SHC3: variants seen among roughly 807,000 people sequenced by gnomAD.
The protein encoded by SHC3 is SHC adaptor protein 3, also known as SHC-transforming protein 3.
A neutral mutation model predicts 60.4 loss-of-function variants in SHC3; 15 were observed. The ratio of observed to expected loss-of-function variants is 0.25; its 90% CI spans 0.17 to 0.38. The LOEUF (loss-of-function observed/expected upper bound fraction) is 0.38. Ranked by LOEUF, SHC3 falls within the 10% of genes least tolerant of loss-of-function variation. The pLI, the probability that SHC3 is intolerant of heterozygous loss-of-function variation, is 1.00. For synonymous variants in SHC3, 294 were observed against 325.9 expected, an observed-to-expected ratio of 0.90 and a Z score of 1.05; for missense variants, 677 against 786.1, an observed-to-expected ratio of 0.86 and a Z score of 1.66.
At chr9:89,029,665 A>T (rs1354122603) in intron 11 of SHC3, among the ~76,000 whole-genome samples, 1 of 152,188 alleles carries the variant, frequency 6.6e-6, no homozygotes, top group African/African-American at 2.4e-5. Flanking sequence ...TCACCTTAGA[A>T]GAGGAAGTCC....
intron 1 of SHC3, among the ~76,000 whole-genome samples, chr9:89,131,678 T>C (rs1203400937): frequency 6.6e-6 from 1 of 152,196 alleles, no homozygotes; most frequent in Non-Finnish European, 1.5e-5. Context: ...TCTCAATAGA[T>C]GCAGAAAAGG....
chr9:89,130,395 C>G (rs1218374996), intron 1 of SHC3, among the ~76,000 whole-genome samples: 1 of 152,194 alleles, frequency 6.6e-6, no homozygotes, highest in Non-Finnish European at 1.5e-5. Flanking sequence ...GAATTGAACT[C>G]AGCTCTGCAC....
intron 5 of SHC3, among the ~76,000 whole-genome samples, chr9:89,065,934 C>T (rs995661519): frequency 3.9e-5 from 6 of 152,306 alleles, no homozygotes; most frequent in African/African-American, 4.8e-5. Flanking sequence ...CATGTTGGAT[C>T]GCCTGAGAAG....
At chr9:89,064,977 G>A (rs1405732734) in intron 6 of SHC3, among the ~76,000 whole-genome samples, 1 of 152,120 alleles carries the variant, frequency 6.6e-6, no homozygotes, top group African/African-American at 2.4e-5. Flanking sequence ...TGGAACTCCA[G>A]GGTAGTGCAC....
At position 89,172,351 on chromosome 9, in the gene SHC3, C is replaced by T. The variant is rs146060451; in HGVS notation, c.474+5636G>A. Among the ~76,000 whole-genome samples the T allele has an allele frequency of 1.2e-3, 190 of 152,326 alleles. 1 individual carries two copies. The highest frequency in any genetic ancestry group is 4.5e-3 in the African/African-American group (186 of 41,580). ...GGACCCTCAGTGGATCCTTGTCACA[C>T]TGTTGTTGTTTTGGTTGGGAGGGGA... On this transcript the variant is annotated intron_variant, in intron 1 of 11. Coordinates refer to ENST00000375835, the MANE Select transcript of SHC3 (RefSeq NM_016848.6).
intron 10 of SHC3, 132 bp downstream of exon 10, chr9:89,041,894 A>T: frequency 1.7e-6 from 2 of 1,148,140 alleles, no homozygotes; most frequent in Non-Finnish European, 2.4e-6. Context: ...CACCCAGAAA[A>T]GTACAGCTAA....
chr9:89,123,691 C>T (rs1826123039), intron 1 of SHC3, among the ~76,000 whole-genome samples: 1 of 152,172 alleles, frequency 6.6e-6, no homozygotes, highest in Admixed American at 6.5e-5. Flanking sequence ...TCATTCCGTC[C>T]TCCTGTTTCT....
At chr9:89,170,453 C>G (rs1306167176) in intron 1 of SHC3, among the ~76,000 whole-genome samples, 2 of 152,190 alleles carry the variant, frequency 1.3e-5, no homozygotes, top group Non-Finnish European at 2.9e-5. Flanking sequence ...CAGGACCAGT[C>G]TGGGCAGCAT....
At chr9:89,143,887 G>A (rs1311480809) in intron 1 of SHC3, among the ~76,000 whole-genome samples, 2 of 152,136 alleles carry the variant, frequency 1.3e-5, no homozygotes, top group Non-Finnish European at 2.9e-5. Flanking sequence ...CGAGAGGGAA[G>A]TACCACTAAA....
In SHC3 at chr9:89,010,864, C is replaced by G. The variant is rs1040921060; in HGVS notation, c.*2583G>C. On this transcript the variant is annotated 3_prime_UTR_variant, in exon 12 of 12. Coordinates refer to ENST00000375835, the MANE Select transcript of SHC3 (RefSeq NM_016848.6). Reference sequence around the variant, plus strand: ...GGCACACAGCAGGGCTCACGAAATGCTGAGTGAGCAGAAGAGCTCTGCAGC... The same window carrying G: ...GGCACACAGCAGGGCTCACGAAATGGTGAGTGAGCAGAAGAGCTCTGCAGC... 7 of 152,376 alleles carry G rather than the reference C, an allele frequency of 4.6e-5. No individual in the cohort carries two copies. The highest frequency in any genetic ancestry group is 3.4e-3 in the Middle Eastern group (1 of 294). 9.4% of individuals were successfully genotyped at this position (152,376 alleles called of 1,614,324 possible). A position where few individuals can be genotyped will look rare whatever the true frequency, so the allele number is the denominator to read the frequency against.
intron 4 of SHC3, among the ~76,000 whole-genome samples, chr9:89,074,691 C>CAAAAA (rs68051828): frequency 0.039 from 2,306 of 59,616 alleles, 1 homozygote; most frequent in Middle Eastern, 0.078. Flanking sequence ...GCCACTAAAG[C>CAAAAA]AAAAAAAAAA....
chr9:89,174,417 T>C (rs1281204930), intron 1 of SHC3, among the ~76,000 whole-genome samples: 1 of 152,214 alleles, frequency 6.6e-6, no homozygotes, highest in East Asian at 1.9e-4. Flanking sequence ...GCTCGCCATT[T>C]TCACTGTCAG....
At position 89,085,431 on chromosome 9, in the gene SHC3, C is replaced by T. The variant is rs78983430; in HGVS notation, c.546-7528G>A. Among the ~76,000 whole-genome samples, 842 of 152,298 alleles carry T rather than the reference C, an allele frequency of 5.5e-3. 13 individuals carry two copies. The highest frequency in any genetic ancestry group is 0.019 in the African/African-American group (781 of 41,574). On this transcript the variant is annotated intron_variant, in intron 2 of 11. Coordinates refer to ENST00000375835, the MANE Select transcript of SHC3 (RefSeq NM_016848.6). Reference sequence around the variant, plus strand: ...AAGATGAAGAGGCCAGTCTGTCTCCCGTGCTCTCGCAGTTCCCCATGCCAG... The same window carrying T: ...AAGATGAAGAGGCCAGTCTGTCTCCTGTGCTCTCGCAGTTCCCCATGCCAG...
chr9:89,173,727 G>GGT (rs1407446538), intron 1 of SHC3, among the ~76,000 whole-genome samples: 1 of 151,836 alleles, frequency 6.6e-6, no homozygotes, highest in African/African-American at 2.4e-5. Context: ...GTATATGTGA[G>GGT]GTGTGTGTGT....
At chr9:89,120,275 G>T (rs1255717613) in intron 1 of SHC3, among the ~76,000 whole-genome samples, 2 of 152,112 alleles carry the variant, frequency 1.3e-5, no homozygotes, top group African/African-American at 4.8e-5. Flanking sequence ...GACATAGGTA[G>T]CATGAAAAGG....
At chr9:89,037,758 A>C (rs565751445) in intron 11 of SHC3, among the ~76,000 whole-genome samples, 1 of 152,370 alleles carries the variant, frequency 6.6e-6, no homozygotes, top group South Asian at 2.1e-4. Context: ...CAAGGCTTTC[A>C]GCCTAGGCCA....
Position 89,071,249 on chromosome 9 carries a change from T to C in SHC3, c.733A>G (p.Ile245Val). The C allele has an allele frequency of 6.2e-7, 1 of 1,614,198 alleles. No individual in the cohort carries two copies. Among genetic ancestry groups the C allele is most frequent in the African/African-American group, 1.3e-5 (1 of 75,056 alleles). ...ATGGACCGCATGTGGTGATTCGCTA[T>C]GATCTGCCAGGCCCAAAACAAGAAA... ...NLRTPDSKQI[I>V]ANHHMRSISF... Residue 245 changes from isoleucine to valine, a missense_variant, in exon 5 of 12, where the codon ATA becomes GTA. Physicochemically the swap from Ile to Val is conservative, Grantham distance 29. Transcript: ENST00000375835.
intron 6 of SHC3, among the ~76,000 whole-genome samples, chr9:89,064,179 T>C (rs776633602): frequency 6.6e-6 from 1 of 152,220 alleles, no homozygotes; most frequent in Non-Finnish European, 1.5e-5. Flanking sequence ...GGGCCTTTAA[T>C]TAATGCAATA....
chr9:89,013,970 C>A (rs1438176611), intron 11 of SHC3, among the ~76,000 whole-genome samples: 1 of 152,192 alleles, frequency 6.6e-6, no homozygotes, highest in East Asian at 1.9e-4. Flanking sequence ...ACCCTCCCAC[C>A]TCTAGGCCTT....
Sources: allele counts gnomAD v4.1 joint callset (sites outside exome capture counted in the v4.1 genomes callset), GRCh38; gene constraint gnomAD v4.1.1; transcripts MANE v1.5; gene names NCBI Gene and HGNC (gene_info 2026-07-23, HGNC 2026-07-21).